The following NOSTRIN variants were observed in gnomAD, a reference collection of about 807,000 sequenced individuals.
NOSTRIN encodes nitric oxide synthase trafficking.
In NOSTRIN, 63 loss-of-function variants were observed where a neutral mutation model predicts 59.0. The observed-to-expected ratio is 1.07, with a 90% CI of 0.87 to 1.32. NOSTRIN has a LOEUF of 1.32. Among genes scored for constraint, NOSTRIN ranks in the 40% most tolerant of loss-of-function variants. NOSTRIN has a pLI of 0.00. For missense variants in NOSTRIN, 512 were observed against 473.1 expected (o/e 1.08, Z -0.76); for synonymous variants, 200 against 165.4 (o/e 1.21, Z -1.61).
rs1687361520 is a variant in NOSTRIN at position 168,831,526 on chromosome 2, C to CA, written c.400dup (p.Ile134AsnfsTer2). On this transcript the variant is annotated frameshift_variant, in exon 6 of 16. Coordinates refer to ENST00000317647, the MANE Select transcript of NOSTRIN (RefSeq NM_001039724.4). LOFTEE classifies it high-confidence loss of function. ...TCTTGTCATTAGCAACTGGAATCAG[C>CA]AAATTAAGGCAAGTATCCACAAATA... The CA allele has an allele frequency of 2.3e-6, 2 of 862,800 alleles. No homozygotes were observed. Among genetic ancestry groups the CA allele is most frequent in the Non-Finnish European group, 2.0e-6 (1 of 493,540 alleles). 53.4% of individuals were successfully genotyped at this position (862,800 alleles called of 1,614,324 possible). A position where few individuals can be genotyped will look rare whatever the true frequency, so the allele number is the denominator to read the frequency against.
intron 8 of NOSTRIN, among the ~76,000 whole-genome samples, chr2:168,849,598 C>T (rs568793055): frequency 6.6e-6 from 1 of 150,800 alleles, no homozygotes; most frequent in East Asian, 2.0e-4. Flanking sequence ...TCAGGTAGTT[C>T]ACCCGTCTCG....
chr2:168,818,038 G>T (rs1686505168), intron 2 of NOSTRIN: 1 of 158,994 alleles, frequency 6.3e-6, no homozygotes, highest in Non-Finnish European at 1.4e-5. Flanking sequence ...CTTAAAAGAT[G>T]GGTGATATCC....
intron 3 of NOSTRIN, among the ~76,000 whole-genome samples, chr2:168,826,264 A>G (rs1687060535): frequency 6.6e-6 from 1 of 152,058 alleles, no homozygotes; most frequent in Non-Finnish European, 1.5e-5. Context: ...TCTGTCATCC[A>G]GCAGAATACT....
chr2:168,813,949 A>G (rs942383018), intron 2 of NOSTRIN, among the ~76,000 whole-genome samples: 4 of 152,188 alleles, frequency 2.6e-5, no homozygotes, highest in African/African-American at 9.7e-5. Context: ...TTCCTGGTAA[A>G]TGTACATTTG....
intron 8 of NOSTRIN, among the ~76,000 whole-genome samples, chr2:168,845,909 G>T (rs1321138389): frequency 6.7e-6 from 1 of 148,508 alleles, no homozygotes; most frequent in African/African-American, 2.5e-5. Flanking sequence ...CTACCTCTAT[G>T]CTGGAGGCCA....
At chr2:168,825,096 A>G (rs1459135381) in intron 3 of NOSTRIN, among the ~76,000 whole-genome samples, 1 of 152,232 alleles carries the variant, frequency 6.6e-6, no homozygotes, top group African/African-American at 2.4e-5. Context: ...GACATGTTCC[A>G]TTCCAGCTTC....
At chr2:168,850,639 G>A (rs573193036) in intron 8 of NOSTRIN, among the ~76,000 whole-genome samples, 48 of 148,526 alleles carry the variant, frequency 3.2e-4, no homozygotes, top group South Asian at 6.4e-4. Flanking sequence ...CTGGCTAGGC[G>A]CGGTGGCTCA....
In NOSTRIN at chr2:168,865,232, A is replaced by T. The variant is rs1053643852; in HGVS notation, c.*262A>T. The T allele has an allele frequency of 2.6e-6, 1 of 385,818 alleles. No individual in the cohort carries two copies. 23.9% of individuals were successfully genotyped at this position (385,818 alleles called of 1,614,324 possible). On this transcript the variant is annotated 3_prime_UTR_variant, in exon 16 of 16. Coordinates refer to ENST00000317647, the MANE Select transcript of NOSTRIN (RefSeq NM_001039724.4). ...TAGGAGACCCTAGAGATGATCCAGT[A>T]TAACCCCTGGTGTCACAGAAACAGA...
chr2:168,797,861 C>T (rs1036084583), upstream of NOSTRIN, among the ~76,000 whole-genome samples: 3 of 151,994 alleles, frequency 2.0e-5, no homozygotes, highest in African/African-American at 7.3e-5. Flanking sequence ...CAAAATAATA[C>T]ATATCTACCT....
At chr2:168,858,636 G>A (rs1689260659) in intron 12 of NOSTRIN, among the ~76,000 whole-genome samples, 1 of 152,214 alleles carries the variant, frequency 6.6e-6, no homozygotes, top group Admixed American at 6.5e-5. Context: ...GAAAGCATGG[G>A]GGAGCTTTTA....
chr2:168,845,830 A>G (rs574223022), intron 8 of NOSTRIN, among the ~76,000 whole-genome samples: 69 of 142,764 alleles, frequency 4.8e-4, no homozygotes, highest in Middle Eastern at 3.7e-3. Context: ...GTCACATGGA[A>G]TATCTACTCA....
intron 6 of NOSTRIN, among the ~76,000 whole-genome samples, chr2:168,833,061 C>A (rs1687461404): frequency 6.6e-6 from 1 of 152,164 alleles, no homozygotes; most frequent in African/African-American, 2.4e-5. Context: ...TATCATTTCC[C>A]AGTTTCTATC....
intron 7 of NOSTRIN, among the ~76,000 whole-genome samples, chr2:168,834,640 C>G (rs912263760): frequency 6.6e-6 from 1 of 151,766 alleles, no homozygotes; most frequent in African/African-American, 2.4e-5. Flanking sequence ...AGGGATCCTC[C>G]CACCTCAGCC....
At chr2:168,818,312 C>A (rs1001881091) in intron 2 of NOSTRIN, 4 of 308,956 alleles carry the variant, frequency 1.3e-5, no homozygotes, top group South Asian at 2.8e-5. Flanking sequence ...TGCCACTGCT[C>A]TGGGCTAATT....
chr2:168,849,670 C>CAAAA (rs10650489), intron 8 of NOSTRIN, among the ~76,000 whole-genome samples: 1,221 of 118,652 alleles, frequency 0.01, 41 homozygotes, highest in African/African-American at 0.028. Context: ...CTTGTTTTTA[C>CAAAA]AAAAAAAAAA....
chr2:168,834,507 G>GA (rs1553527124), intron 7 of NOSTRIN, among the ~76,000 whole-genome samples, 182 bp downstream of exon 7: 1 of 125,342 alleles, frequency 8.0e-6, no homozygotes, highest in African/African-American at 3.1e-5. Context: ...GCGCGCGCGC[G>GA]CACACACACA....
At chr2:168,847,994 TAAAG>T (rs1688528891) in intron 8 of NOSTRIN, among the ~76,000 whole-genome samples, 1 of 152,176 alleles carries the variant, frequency 6.6e-6, no homozygotes, top group Non-Finnish European at 1.5e-5. Flanking sequence ...CTTGTCAAAG[TAAAG>T]AAACACCTGC....
rs1347630460 is a variant in NOSTRIN, at chr2:168,786,691, CAAG to C, written c.-661+56_-661+58del. 5.9e-5 allele frequency: 9 copies of C among 152,244 alleles called. No homozygotes were observed. The East Asian group carries it at 1.7e-3, about 30-fold the overall frequency. The allele number at this position is 152,244 out of a possible 1,614,324, so 9.4% of individuals were successfully genotyped here. A position where few individuals can be genotyped will look rare whatever the true frequency, so the allele number is the denominator to read the frequency against. ...AGGTCAAGCCAGCCACTTGATCCCT[CAAG>C]TGGCCAGCTTGGCCCTCCTCGAAGT... On this transcript the variant is annotated intron_variant, in intron 1 of 20. Coordinates refer to the NOSTRIN transcript ENST00000458381.
chr2:168,811,900 C>A, intron 2 of NOSTRIN: 1 of 324,092 alleles, frequency 3.1e-6, no homozygotes, highest in South Asian at 6.3e-5. Context: ...ATTCCTCAGA[C>A]TGGGTTTATT....
Sources: gnomAD v4.1 joint callset for allele counts (sites outside exome capture counted in the v4.1 genomes callset) on GRCh38, gnomAD v4.1.1 for gene constraint, MANE v1.5 for transcripts, NCBI Gene and HGNC (gene_info 2026-07-23, HGNC 2026-07-21) for gene names.